NLRP12: variants seen among roughly 807,000 people sequenced by gnomAD.
The protein encoded by NLRP12 is NACHT, LRR and PYD domains-containing protein 12.
NLRP12 carries 108 observed loss-of-function variants against 91.2 expected under a neutral mutation model. The ratio of observed to expected loss-of-function variants is 1.18; its 90% CI spans 1.01 to 1.39. The LOEUF is 1.39. Among genes scored for constraint, NLRP12 ranks in the 40% most tolerant of loss-of-function variants. The probability of loss-of-function intolerance (pLI) is 0.00; values close to 1 mark genes in which losing one functional copy is unlikely to be tolerated. For missense variants in NLRP12, 1,530 were observed against 1,352.7 expected (o/e 1.13, Z -2.06); for synonymous variants, 613 against 566.7 (o/e 1.08, Z -1.16).
chr19:53,807,306 G>A (rs1226228282), intron 4 of NLRP12, among the ~76,000 whole-genome samples, 189 bp downstream of exon 4: 1 of 152,152 alleles, frequency 6.6e-6, no homozygotes, highest in African/African-American at 2.4e-5. Flanking sequence ...GACCTCAAGT[G>A]ATCTGCCCGC....
intron 2 of NLRP12, 47 bp from the exon 3 acceptor site, chr19:53,811,335 CTAA>C: frequency 1.2e-6 from 2 of 1,607,638 alleles, no homozygotes; most frequent in Non-Finnish European, 1.7e-6. Flanking sequence ...TCAGCAGCCT[CTAA>C]TGAGTTCACG....
rs369320436 is a variant in NLRP12, at chr19:53,823,925, C to T, written c.250G>A (p.Asp84Asn). Residue 84 changes from aspartate (D) to asparagine (N), a missense_variant, in exon 1 of 10, where the codon GAC becomes AAC. Coordinates refer to ENST00000324134, the MANE Select transcript of NLRP12 (RefSeq NM_144687.4). Reference protein sequence around the residue: ...LSTFERINRKDLWERGQREDL... With the variant: ...LSTFERINRKNLWERGQREDL... ...TCTCTCTGTCCTCTCTCCCACAGGT[C>T]CTTCCTGTTTATCCGCTCAAAGGTG... is the stretch of plus-strand genomic sequence containing the variant. The T allele has an allele frequency of 6.2e-6, 10 of 1,613,974 alleles. No individual in the cohort carries two copies. The highest frequency in any genetic ancestry group is 6.8e-6 in the Non-Finnish European group (8 of 1,180,042).
chr19:53,794,234 C>T, intron 9 of NLRP12, 98 bp from the exon 10 acceptor site: 1 of 846,038 alleles, frequency 1.2e-6, no homozygotes, highest in Non-Finnish European at 2.0e-6. Context: ...TAAGATAATT[C>T]CATGATCCTC....
chr19:53,803,906 G>T (rs2091913081), intron 6 of NLRP12, 46 bp downstream of exon 6: 3 of 1,574,132 alleles, frequency 1.9e-6, no homozygotes, highest in Non-Finnish European at 2.6e-6. Context: ...CATTCAATAT[G>T]AAGAGATTTG....
intron 2 of NLRP12, among the ~76,000 whole-genome samples, chr19:53,812,006 G>A (rs2092084430): frequency 6.6e-6 from 1 of 152,026 alleles, no homozygotes; most frequent in South Asian, 2.1e-4. Context: ...GGAGGTCCAG[G>A]TGGGAGGATC....
At chr19:53,798,545 AAG>A in intron 7 of NLRP12, 132 bp from the exon 8 acceptor site, 2 of 867,574 alleles carry the variant, frequency 2.3e-6, no homozygotes, top group Non-Finnish European at 3.7e-6. Flanking sequence ...GAGAGACAAA[AAG>A]AAAAAGACGA....
chr19:53,805,394 A>G lies in NLRP12; in HGVS notation c.2300T>C (p.Ile767Thr), dbSNP rs1335077713. The G allele has an allele frequency of 6.2e-7, 1 of 1,613,952 alleles. No individual in the cohort carries two copies. The highest frequency in any genetic ancestry group is 1.7e-5 in the Admixed American group (1 of 59,980). ...CATCCTTGTCAAATTCTTATTGGCT[A>G]TGAGAGCTGCAGAGAGGTCCTCGCA... The part of the protein sequence containing the change: ...SACEDLSAAL[I>T]ANKNLTRMDL... The change falls in exon 5 of 10, where the codon ATA becomes ACA. Residue 767 changes from isoleucine to threonine, a missense_variant. Transcript: ENST00000324134.
At chr19:53,811,337 A>T in intron 2 of NLRP12, 49 bp from the exon 3 acceptor site, 1 of 1,601,888 alleles carries the variant, frequency 6.2e-7, no homozygotes, top group Non-Finnish European at 8.5e-7. Context: ...AGCAGCCTCT[A>T]ATGAGTTCAC....
At position 53,809,584 on chromosome 19, in the gene NLRP12, TACAGCTGCACCA is replaced by T; in HGVS notation, c.2063_2072+2del. The T allele has an allele frequency of 6.2e-7, 1 of 1,604,598 alleles. No homozygotes were observed. On this transcript the variant is annotated splice_donor_variant and coding_sequence_variant, in exon 3 of 10. Coordinates refer to ENST00000324134, the MANE Select transcript of NLRP12 (RefSeq NM_144687.4). LOFTEE classifies it high-confidence loss of function. ...CCCCAGGGGATACCCCAGGGATACTTACAGCTGCACCAACAGCGTGTGCGCTCCTGCGGAGCA... is the reference window on the plus strand; with the variant it reads ...CCCCAGGGGATACCCCAGGGATACTTACAGCGTGTGCGCTCCTGCGGAGCA...
At chr19:53,799,623 CA>C (rs1449032063) in intron 7 of NLRP12, among the ~76,000 whole-genome samples, 2 of 151,968 alleles carry the variant, frequency 1.3e-5, no homozygotes, top group Admixed American at 6.6e-5. Context: ...ACCTGGATAT[CA>C]GGCGTCCGCC....
chr19:53,798,948 GTCAGGCTGGT>G (rs1206208689), intron 7 of NLRP12, among the ~76,000 whole-genome samples: 3 of 150,960 alleles, frequency 2.0e-5, no homozygotes, highest in East Asian at 1.9e-4. Context: ...CACCATGTTG[GTCAGGCTGGT>G]TTCGAACTCC....
chr19:53,810,372 C>G lies in NLRP12; in HGVS notation c.1287G>C (p.Arg429Ser). 1 of 1,613,534 alleles carries G rather than the reference C, an allele frequency of 6.2e-7. No individual in the cohort carries two copies. The highest frequency in any genetic ancestry group is 8.5e-7 in the Non-Finnish European group (1 of 1,180,010). ...AGAGCATGTACACTGCAGTGGTGGT[C>G]CTGGACGTCTGTCTCAACAGCCCCC... is the stretch of plus-strand genomic sequence containing the variant. Reference protein sequence around the residue: ...EGGGLLRQTSRTTTAVYMLYL... With the variant: ...EGGGLLRQTSSTTTAVYMLYL... Residue 429 changes from arginine to serine, a missense_variant, in exon 3 of 10, where the codon AGG becomes AGC. By Grantham distance (110) the Arg-to-Ser change is moderately radical. Transcript: ENST00000324134.
At chr19:53,813,725 C>A (rs560699416) in intron 2 of NLRP12, among the ~76,000 whole-genome samples, 11 of 151,606 alleles carry the variant, frequency 7.3e-5, no homozygotes, top group South Asian at 2.1e-4. Flanking sequence ...CTTTCTCACT[C>A]CCCCCAGGCT....
chr19:53,811,791 T>C (rs1025233407), intron 2 of NLRP12, among the ~76,000 whole-genome samples: 2 of 151,962 alleles, frequency 1.3e-5, no homozygotes, highest in Non-Finnish European at 2.9e-5. Context: ...GGTCTCGATC[T>C]CTTGACCTCA....
At chr19:53,820,897 C>T (rs2092255855) in intron 1 of NLRP12, among the ~76,000 whole-genome samples, 1 of 151,970 alleles carries the variant, frequency 6.6e-6, no homozygotes, top group South Asian at 2.1e-4. Flanking sequence ...AACAATTCCA[C>T]AGCTCAAGTG....
At chr19:53,819,497 G>GTA (rs1255582263) in intron 1 of NLRP12, among the ~76,000 whole-genome samples, 1 of 10,054 alleles carries the variant, frequency 9.9e-5, no homozygotes, top group Non-Finnish European at 2.3e-4. Context: ...ATACATATGT[G>GTA]TATATATATG....
chr19:53,809,539 A>AT, intron 3 of NLRP12, 48 bp downstream of exon 3: 4 of 1,469,114 alleles, frequency 2.7e-6, no homozygotes, highest in Non-Finnish European at 3.7e-6. Context: ...AAAAAAAAAA[A>AT]AACACACGAA....
At chr19:53,813,012 C>G (rs1447844705) in intron 2 of NLRP12, among the ~76,000 whole-genome samples, 1 of 151,004 alleles carries the variant, frequency 6.6e-6, no homozygotes, top group African/African-American at 2.4e-5. Context: ...TCCTGAGTAA[C>G]TCGATTTACA....
At chr19:53,804,382 G>GT (rs976429105) in intron 5 of NLRP12, among the ~76,000 whole-genome samples, 51 of 119,062 alleles carry the variant, frequency 4.3e-4, no homozygotes, top group African/African-American at 1.1e-3. Context: ...TTTGTTTTTT[G>GT]TTTTTTTTGG....
Sources: allele counts gnomAD v4.1 joint callset (sites outside exome capture counted in the v4.1 genomes callset), GRCh38; gene constraint gnomAD v4.1.1; transcripts MANE v1.5; gene names NCBI Gene and HGNC (gene_info 2026-07-23, HGNC 2026-07-21).